Variants in FAM3B observed in about 807,000 individuals in gnomAD.
FAM3B encodes protein FAM3B.
Under a neutral mutation model 28.4 loss-of-function variants are expected in FAM3B, and 29 were observed. That is an observed-to-expected ratio of 1.02 (90% CI 0.76 to 1.39). FAM3B has a LOEUF of 1.39. Among genes scored for constraint, FAM3B ranks in the 40% most tolerant of loss-of-function variants. FAM3B has a pLI of 0.00. For synonymous variants in FAM3B, 91 were observed against 103.0 expected (o/e 0.88, Z 0.71); for missense variants, 266 against 293.9 (o/e 0.91, Z 0.69).
chr21:41,352,965 G>A (rs116312695), intron 7 of FAM3B, among the ~76,000 whole-genome samples: 2,404 of 152,196 alleles, frequency 0.016, 54 homozygotes, highest in African/African-American at 0.055. Flanking sequence ...CAAGTTTAGC[G>A]AAGTTGCAGG....
Position 41,317,169 on chromosome 21 carries a change from G to C in FAM3B, c.19+271G>C, listed in dbSNP as rs578236202. Among the ~76,000 whole-genome samples the C allele has an allele frequency of 5.3e-4, 80 of 152,318 alleles. 1 individual carries two copies. The South Asian group carries it at 0.015, about 29-fold the overall frequency. ...CCGCCGCCCCAGCCGGGGTGCATGGGATTAGGGAGGAACCTGGAATGTAAC... is the reference window on the plus strand; with the variant it reads ...CCGCCGCCCCAGCCGGGGTGCATGGCATTAGGGAGGAACCTGGAATGTAAC... On this transcript the variant is annotated intron_variant, in intron 1 of 7. Transcript: ENST00000357985.
intron 5 of FAM3B, 83 bp downstream of exon 5, chr21:41,345,819 A>G (rs1050452867): frequency 1.4e-5 from 13 of 921,018 alleles, no homozygotes; most frequent in Middle Eastern, 2.2e-4. Flanking sequence ...AATGTCAACC[A>G]TTTTTATTTT....
At chr21:41,304,302 C>T (rs1222507980) in exon 1 of FAM3B, 1 of 455,930 alleles carries the variant, frequency 2.2e-6, no homozygotes, top group Non-Finnish European at 4.4e-6. Flanking sequence ...GGCAGGAGCC[C>T]GAGACTGGGT....
chr21:41,324,856 C>T (rs2088841778), intron 2 of FAM3B, among the ~76,000 whole-genome samples: 1 of 152,190 alleles, frequency 6.6e-6, no homozygotes, highest in South Asian at 2.1e-4. Flanking sequence ...AATCGCAGCA[C>T]TTTGGGAGGC....
intron 1 of FAM3B, among the ~76,000 whole-genome samples, chr21:41,306,057 A>G (rs2088681255): frequency 6.6e-6 from 1 of 152,244 alleles, no homozygotes. Context: ...TGTTTACAGC[A>G]TCTTCACCAA....
intron 3 of FAM3B, among the ~76,000 whole-genome samples, chr21:41,341,238 C>T (rs1295120826): frequency 6.6e-6 from 1 of 152,140 alleles, no homozygotes; most frequent in Non-Finnish European, 1.5e-5. Context: ...ATAGTTTATT[C>T]AACTAGTTCT....
At chr21:41,347,737 G>C (rs556125223) in intron 6 of FAM3B, among the ~76,000 whole-genome samples, 3 of 140,816 alleles carry the variant, frequency 2.1e-5, no homozygotes, top group Admixed American at 7.6e-5. Flanking sequence ...CGGTGACAGA[G>C]CGAGACTGTC....
At chr21:41,329,401 C>T (rs192198529) in intron 2 of FAM3B, among the ~76,000 whole-genome samples, 6 of 152,284 alleles carry the variant, frequency 3.9e-5, no homozygotes, top group African/African-American at 1.2e-4. Context: ...GCTGCACGCA[C>T]TCCCTGCCTA....
At chr21:41,318,570 G>A (rs566618029) in intron 1 of FAM3B, among the ~76,000 whole-genome samples, 8 of 152,208 alleles carry the variant, frequency 5.3e-5, no homozygotes, top group Non-Finnish European at 1.2e-4. Flanking sequence ...GGCCAGCAGA[G>A]CCTGGGATCC....
At chr21:41,356,207 T>C (rs1416049444) in intron 7 of FAM3B, among the ~76,000 whole-genome samples, 1 of 152,192 alleles carries the variant, frequency 6.6e-6, no homozygotes, top group African/African-American at 2.4e-5. Context: ...CAAATTTTGG[T>C]TTATCGGTTG....
chr21:41,350,268 C>T (rs1352789030), intron 7 of FAM3B, among the ~76,000 whole-genome samples: 3 of 152,164 alleles, frequency 2.0e-5, no homozygotes, highest in Admixed American at 1.3e-4. Context: ...CCCTGGGGAG[C>T]GAATACTGGG....
upstream of FAM3B, chr21:41,316,749 G>A (rs1230777595): frequency 4.6e-6 from 4 of 870,790 alleles, no homozygotes; most frequent in Non-Finnish European, 6.3e-6. Flanking sequence ...CCGACTGGCC[G>A]CGCACCCAGC....
intron 1 of FAM3B, among the ~76,000 whole-genome samples, chr21:41,306,900 C>T (rs1172963474): frequency 1.3e-5 from 2 of 152,212 alleles, no homozygotes; most frequent in African/African-American, 4.8e-5. Context: ...TCCCTCACCC[C>T]TTCCTCCTTC....
At chr21:41,349,410 G>A (rs1048892224) in intron 7 of FAM3B, among the ~76,000 whole-genome samples, 4 of 152,188 alleles carry the variant, frequency 2.6e-5, no homozygotes, top group African/African-American at 9.7e-5. Context: ...AGTAACCGGT[G>A]CAGAAGAGGA....
At chr21:41,336,943 G>A (rs552739204) in intron 2 of FAM3B, among the ~76,000 whole-genome samples, 5 of 151,778 alleles carry the variant, frequency 3.3e-5, no homozygotes, top group African/African-American at 1.2e-4. Flanking sequence ...CCATCCTTTC[G>A]CTTTCAACCT....
chr21:41,314,732 T>C (rs899693097), upstream of FAM3B, among the ~76,000 whole-genome samples: 1 of 148,682 alleles, frequency 6.7e-6, no homozygotes, highest in African/African-American at 2.5e-5. Context: ...CAATCAGATA[T>C]CACTTCATAC....
chr21:41,325,455 C>T (rs970810657), intron 2 of FAM3B, among the ~76,000 whole-genome samples: 4 of 152,170 alleles, frequency 2.6e-5, no homozygotes, highest in Non-Finnish European at 5.9e-5. Context: ...CATGGATCTC[C>T]TACCCTCTGG....
chr21:41,329,176 C>T (rs1159119221), intron 2 of FAM3B, among the ~76,000 whole-genome samples: 8 of 152,162 alleles, frequency 5.3e-5, no homozygotes, highest in Non-Finnish European at 8.8e-5. Flanking sequence ...TACAGTAGTT[C>T]CCCCCACTTA....
intron 1 of FAM3B, among the ~76,000 whole-genome samples, chr21:41,304,770 A>C (rs2088673623): frequency 1.3e-5 from 2 of 152,140 alleles, no homozygotes; most frequent in African/African-American, 4.8e-5. Context: ...TGTCCCTGAA[A>C]ACATTGGGAG....
Sources: allele counts gnomAD v4.1 joint callset (sites outside exome capture counted in the v4.1 genomes callset), GRCh38; gene constraint gnomAD v4.1.1; transcripts MANE v1.5; gene names NCBI Gene and HGNC (gene_info 2026-07-23, HGNC 2026-07-21).